The following OPHN1 variants were observed in gnomAD, a reference collection of about 807,000 sequenced individuals.
The protein encoded by OPHN1 is oligophrenin-1.
Under a neutral mutation model 60.7 loss-of-function variants are expected in OPHN1, and 11 were observed. The ratio of observed to expected loss-of-function variants is 0.18; its 90% CI spans 0.11 to 0.30. The LOEUF is 0.30. Among genes scored for constraint, OPHN1 ranks in the 10% least tolerant of loss-of-function variants. OPHN1 has a pLI of 1.00. For synonymous variants in OPHN1, 226 were observed against 222.6 expected (o/e 1.02, Z -0.14); for missense variants, 449 against 611.0 (o/e 0.73, Z 2.80).
intron 2 of OPHN1, among the ~76,000 whole-genome samples, chrX:68,304,889 A>G (rs906279982): frequency 4.5e-5 from 5 of 111,039 alleles, no homozygotes; most frequent in Non-Finnish European, 7.5e-5. Context: ...TATAAGCTCT[A>G]TACTCAAAAT....
chrX:68,177,261 C>A (rs2077418344), intron 15 of OPHN1, among the ~76,000 whole-genome samples: 1 of 109,990 alleles, frequency 9.1e-6, no homozygotes, highest in African/African-American at 3.3e-5. Context: ...GTTTCAGTTT[C>A]CCAAAATTAA....
chrX:68,431,291 GAC>G, intron 2 of OPHN1, among the ~76,000 whole-genome samples: 1 of 112,085 alleles, frequency 8.9e-6, no homozygotes, highest in East Asian at 2.8e-4. Flanking sequence ...CAGGAACTTC[GAC>G]AGTGTACATA....
intron 2 of OPHN1, among the ~76,000 whole-genome samples, chrX:68,404,697 C>G (rs1214161479): frequency 9.0e-6 from 1 of 111,333 alleles, no homozygotes; most frequent in Non-Finnish European, 1.9e-5. Flanking sequence ...GAATGAAATT[C>G]TGACACATTC....
chrX:68,359,326 C>T (rs1392711931), intron 2 of OPHN1, among the ~76,000 whole-genome samples: 3 of 111,613 alleles, frequency 2.7e-5, no homozygotes, highest in Non-Finnish European at 5.6e-5. Flanking sequence ...GCATCTCATA[C>T]TCATGGGTTT....
At chrX:68,370,622 T>C (rs749616899) in intron 2 of OPHN1, among the ~76,000 whole-genome samples, 18 of 112,375 alleles carry the variant, frequency 1.6e-4, no homozygotes, top group Non-Finnish European at 1.9e-4. Flanking sequence ...TCGAACTTTT[T>C]GTTTATAACT....
At chrX:68,240,851 T>G (rs1334335316) in intron 5 of OPHN1, among the ~76,000 whole-genome samples, 1 of 112,073 alleles carries the variant, frequency 8.9e-6, no homozygotes, top group Non-Finnish European at 1.9e-5. Context: ...CTTTCTTATT[T>G]GTTGATCAAT....
intron 19 of OPHN1, among the ~76,000 whole-genome samples, chrX:68,075,885 C>A (rs749645983): frequency 1.9e-5 from 2 of 107,678 alleles, no homozygotes; most frequent in African/African-American, 6.7e-5. Context: ...TATAAAATTT[C>A]GAGGAGAAAA....
intron 15 of OPHN1, among the ~76,000 whole-genome samples, chrX:68,187,782 C>A (rs1315141915): frequency 1.8e-5 from 2 of 110,448 alleles, no homozygotes; most frequent in Non-Finnish European, 3.8e-5. Flanking sequence ...TGCCCGCCAC[C>A]ACACCCGGCT....
At chrX:68,133,509 T>C in intron 15 of OPHN1, 1 of 472,035 alleles carries the variant, frequency 2.1e-6, no homozygotes, top group South Asian at 2.4e-5. Flanking sequence ...TTTTTGCAAC[T>C]GGTTTGACAA....
intron 21 of OPHN1, among the ~76,000 whole-genome samples, chrX:68,058,796 G>A (rs187504205): frequency 7.5e-4 from 84 of 111,917 alleles, no homozygotes; most frequent in Non-Finnish European, 1.1e-3. Context: ...CCCACTTACA[G>A]TTGAGAAAAC....
At chrX:68,110,372 T>C (rs1445754919) in intron 18 of OPHN1, among the ~76,000 whole-genome samples, 2 of 111,992 alleles carry the variant, frequency 1.8e-5, no homozygotes, top group Non-Finnish European at 3.8e-5. Context: ...CAGCCAGCCT[T>C]TGGGCAGATA....
chrX:68,316,329 T>G (rs1360377984), intron 2 of OPHN1, among the ~76,000 whole-genome samples: 2 of 111,942 alleles, frequency 1.8e-5, no homozygotes, highest in African/African-American at 6.5e-5. Context: ...TAATCAAAAT[T>G]TATAGAACAC....
At chrX:68,323,480 G>A (rs1384552117) in intron 2 of OPHN1, among the ~76,000 whole-genome samples, 4 of 111,376 alleles carry the variant, frequency 3.6e-5, no homozygotes, top group African/African-American at 9.8e-5. Flanking sequence ...TATTTGTATC[G>A]TTAGCATTTG....
chrX:68,125,956 T>TATATATAC (rs2077169399), intron 15 of OPHN1, among the ~76,000 whole-genome samples: 1 of 76,359 alleles, frequency 1.3e-5, no homozygotes, highest in African/African-American at 5.2e-5. Flanking sequence ...TATATATATA[T>TATATATAC]ACATACACAC....
chrX:68,385,825 T>C (rs1383928905), intron 2 of OPHN1, among the ~76,000 whole-genome samples: 1 of 111,978 alleles, frequency 8.9e-6, no homozygotes, highest in African/African-American at 3.2e-5. Flanking sequence ...TTGTTCACAT[T>C]TGAAATCTAA....
At chrX:68,279,099 C>T (rs1261770408) in intron 4 of OPHN1, among the ~76,000 whole-genome samples, 2 of 58,439 alleles carry the variant, frequency 3.4e-5, no homozygotes, top group Non-Finnish European at 6.3e-5. Flanking sequence ...CCCTCCCCCG[C>T]TCTTTTTTTT....
At chrX:68,214,969 C>G in intron 6 of OPHN1, among the ~76,000 whole-genome samples, 1 of 111,585 alleles carries the variant, frequency 9.0e-6, no homozygotes, top group Admixed American at 9.5e-5. Context: ...TGCACTCCAG[C>G]CTGGGTGACA....
At chrX:68,384,833 T>C (rs2078616437) in intron 2 of OPHN1, among the ~76,000 whole-genome samples, 1 of 111,639 alleles carries the variant, frequency 9.0e-6, no homozygotes, top group Non-Finnish European at 1.9e-5. Context: ...TTGTATGTTC[T>C]CGCTTATAAG....
At position 68,417,075 on chromosome X, in the gene OPHN1, ATATTTATTTATTTATTTATT is replaced by A. The variant is rs200001381; in HGVS notation, c.154+15772_154+15791del. On this transcript the variant is annotated intron_variant, in intron 2 of 24. Coordinates refer to ENST00000355520, the MANE Select transcript of OPHN1 (RefSeq NM_002547.3). ...AGAAATCGAGTTACTATTCCTTTTT[ATATTTATTTATTTATTTATT>A]TATTTATTTATTTATTTTGAGATGG... Among the ~76,000 whole-genome samples, 4 of 101,363 alleles carry A rather than the reference ATATTTATTTATTTATTTATT, an allele frequency of 3.9e-5. No individual in the cohort carries two copies. The South Asian group carries it at 2.0e-3, about 50-fold the overall frequency. The allele number at this position is 101,363 out of a possible 115,157, so 88.0% of individuals were successfully genotyped here.
Sources: allele counts gnomAD v4.1 joint callset (sites outside exome capture counted in the v4.1 genomes callset), GRCh38; gene constraint gnomAD v4.1.1; transcripts MANE v1.5; gene names NCBI Gene and HGNC (gene_info 2026-07-23, HGNC 2026-07-21).